CSMD1: variants seen among roughly 807,000 people sequenced by gnomAD.
CSMD1 encodes the protein CUB and sushi domain-containing protein 1.
CSMD1 carries 213 observed loss-of-function variants against 417.5 expected under a neutral mutation model. The ratio of observed to expected loss-of-function variants is 0.51; its 90% CI spans 0.46 to 0.57. CSMD1 has a LOEUF of 0.57. CSMD1 is among the 20% of genes least tolerant of loss of function. CSMD1 has a pLI of 0.00. For missense variants in CSMD1, 6,923 were observed against 4,529.7 expected (o/e 1.53, Z -15.17); for synonymous variants, 2,862 against 1,736.8 (o/e 1.65, Z -16.11).
At chr8:4,153,212 C>G (rs907160417) in intron 3 of CSMD1, among the ~76,000 whole-genome samples, 2 of 152,182 alleles carry the variant, frequency 1.3e-5, no homozygotes, top group African/African-American at 4.8e-5. Flanking sequence ...GCTAACTCAG[C>G]AACTCACCCA....
At chr8:4,598,390 G>C (rs1179288860) in intron 2 of CSMD1, among the ~76,000 whole-genome samples, 6 of 152,170 alleles carry the variant, frequency 3.9e-5, no homozygotes, top group Non-Finnish European at 8.8e-5. Context: ...TCTAACAGGT[G>C]GATGCAGCTC....
chr8:4,241,384 T>A (rs1802387900), intron 3 of CSMD1, among the ~76,000 whole-genome samples: 1 of 152,208 alleles, frequency 6.6e-6, no homozygotes, highest in Admixed American at 6.5e-5. Context: ...AGGGAAACCC[T>A]TCCCACTTAA....
At chr8:3,487,295 G>C (rs1459605689) in intron 11 of CSMD1, among the ~76,000 whole-genome samples, 1 of 152,122 alleles carries the variant, frequency 6.6e-6, no homozygotes. Context: ...TCCACCTCCT[G>C]GGTTCACGCC....
intron 5 of CSMD1, among the ~76,000 whole-genome samples, chr8:3,771,292 G>A (rs952415899): frequency 1.3e-5 from 2 of 152,088 alleles, no homozygotes; most frequent in Non-Finnish European, 2.9e-5. Context: ...TGCACCTGCT[G>A]GTGCTTCTGG....
At chr8:4,606,473 G>A (rs1055287052) in intron 2 of CSMD1, among the ~76,000 whole-genome samples, 3 of 152,084 alleles carry the variant, frequency 2.0e-5, no homozygotes, top group African/African-American at 7.2e-5. Context: ...AACATCATCC[G>A]ATGCCAAGCC....
Position 3,994,025 on chromosome 8 carries a change from C to T in CSMD1, c.818+3878G>A, listed in dbSNP as rs141366270. ...TGGGCGTGCCTGGCAGGGAGGGAGC[C>T]AGGATGGGGCCAAATCGGTAGCTGT... On this transcript the variant is annotated intron_variant, in intron 5 of 69. Coordinates refer to ENST00000635120, the MANE Select transcript of CSMD1 (RefSeq NM_033225.6). 1.4e-3 allele frequency among the ~76,000 whole-genome samples: 206 copies of T among 152,252 alleles called. 1 individual carries two copies. The highest frequency in any genetic ancestry group is 0.01 in the Middle Eastern group (3 of 294).
rs183126551 is a variant in CSMD1, at chr8:4,304,617, T to A, written c.415+115336A>T. 5.9e-5 allele frequency among the ~76,000 whole-genome samples: 9 copies of A among 152,308 alleles called. No homozygotes were observed. The East Asian group carries it at 1.7e-3, about 29-fold the overall frequency. On this transcript the variant is annotated intron_variant, in intron 3 of 69. Transcript: ENST00000635120. Reference sequence around the variant, plus strand: ...TCCTCTTTAATATTTCCTCATTTTATACAGATCAGATTCCCCTCACTGCTA... The same window carrying A: ...TCCTCTTTAATATTTCCTCATTTTAAACAGATCAGATTCCCCTCACTGCTA...
intron 9 of CSMD1, 149 bp from the exon 10 acceptor site, chr8:3,575,215 G>T: frequency 1.2e-6 from 1 of 818,318 alleles, no homozygotes; most frequent in Non-Finnish European, 1.9e-6. Context: ...CTGGGGCATG[G>T]ACTCCAGTCA....
At chr8:4,667,629 G>C (rs1805023962) in intron 1 of CSMD1, among the ~76,000 whole-genome samples, 1 of 151,918 alleles carries the variant, frequency 6.6e-6, no homozygotes, top group African/African-American at 2.4e-5. Context: ...TATTGCATAT[G>C]GGATTAAAAA....
intron 5 of CSMD1, among the ~76,000 whole-genome samples, chr8:3,915,756 C>T (rs532887859): frequency 6.7e-6 from 1 of 149,836 alleles, no homozygotes; most frequent in East Asian, 2.0e-4. Context: ...AACTCTCTCG[C>T]TTTCCATTGC....
At position 3,835,461 on chromosome 8, in the gene CSMD1, C is replaced by T. The variant is rs539097249; in HGVS notation, c.819-81419G>A. ...GAAACCATCATTCTCAGCAAACTAC[C>T]GCCAGGACAAAAAACCAAACACCAC... On this transcript the variant is annotated intron_variant, in intron 5 of 69. Coordinates refer to ENST00000635120, the MANE Select transcript of CSMD1 (RefSeq NM_033225.6). Among the ~76,000 whole-genome samples the T allele has an allele frequency of 2.9e-4, 44 of 151,972 alleles. No homozygotes were observed. The East Asian group carries it at 4.9e-3, about 17-fold the overall frequency.
intron 3 of CSMD1, among the ~76,000 whole-genome samples, chr8:4,359,406 T>C (rs918317534): frequency 2.6e-5 from 4 of 152,260 alleles, no homozygotes; most frequent in African/African-American, 9.6e-5. Context: ...ACATATTAAC[T>C]AGAGAAGCTT....
At chr8:3,838,384 A>T (rs530065420) in intron 5 of CSMD1, among the ~76,000 whole-genome samples, 1 of 143,014 alleles carries the variant, frequency 7.0e-6, no homozygotes, top group South Asian at 2.2e-4. Context: ...ATATATACGC[A>T]CTATATATAT....
At chr8:4,944,682 TATC>T (rs1162301116) in intron 1 of CSMD1, among the ~76,000 whole-genome samples, 1 of 152,118 alleles carries the variant, frequency 6.6e-6, no homozygotes, top group Non-Finnish European at 1.5e-5. Context: ...GGAATGCAAA[TATC>T]ATCACCTCAC....
At chr8:3,686,855 T>C (rs1390742393) in intron 7 of CSMD1, among the ~76,000 whole-genome samples, 7 of 152,222 alleles carry the variant, frequency 4.6e-5, no homozygotes, top group Admixed American at 4.6e-4. Context: ...TAAACCTGCA[T>C]GCTTTTCTCC....
intron 2 of CSMD1, among the ~76,000 whole-genome samples, chr8:4,452,503 C>A (rs916414202): frequency 6.6e-6 from 1 of 152,144 alleles, no homozygotes; most frequent in East Asian, 1.9e-4. Flanking sequence ...CTAACTACAG[C>A]TTTAATTTTA....
intron 2 of CSMD1, among the ~76,000 whole-genome samples, chr8:4,458,091 A>T (rs375669221): frequency 1.7e-4 from 26 of 152,156 alleles, no homozygotes; most frequent in Middle Eastern, 3.4e-3. Flanking sequence ...AACTCCTTAT[A>T]TACTTAATAT....
intron 5 of CSMD1, among the ~76,000 whole-genome samples, chr8:3,873,161 T>G (rs771842172): frequency 1.3e-5 from 2 of 152,016 alleles, no homozygotes; most frequent in Non-Finnish European, 1.5e-5. Context: ...CTCAAAGACC[T>G]AAAAACAGAA....
chr8:4,835,566 G>C (rs1412787514), intron 1 of CSMD1, among the ~76,000 whole-genome samples: 2 of 152,164 alleles, frequency 1.3e-5, no homozygotes, highest in African/African-American at 4.8e-5. Context: ...AGCACACAGA[G>C]ATTTTGGAAT....
Sources: gnomAD v4.1 joint callset for allele counts (sites outside exome capture counted in the v4.1 genomes callset) on GRCh38, gnomAD v4.1.1 for gene constraint, MANE v1.5 for transcripts, NCBI Gene and HGNC (gene_info 2026-07-23, HGNC 2026-07-21) for gene names.